ATG4C: variants seen among roughly 807,000 people sequenced by gnomAD.
The protein encoded by ATG4C is autophagy related 4C cysteine peptidase, also known as cysteine protease ATG4C.
Under a neutral mutation model 57.6 loss-of-function variants are expected in ATG4C, and 56 were observed. The ratio of observed to expected loss-of-function variants is 0.97; its 90% confidence interval spans 0.78 to 1.21. ATG4C has a LOEUF of 1.21. ATG4C is among the 50% of genes most tolerant of loss of function. ATG4C has a pLI of 0.00. For missense variants in ATG4C, 595 were observed against 529.8 expected, an observed-to-expected ratio of 1.12 and a Z score of -1.21; for synonymous variants, 157 against 174.1, an observed-to-expected ratio of 0.90 and a Z score of 0.78.
At chr1:62,857,899 G>A (rs1666734940) in intron 10 of ATG4C, among the ~76,000 whole-genome samples, 1 of 152,172 alleles carries the variant, frequency 6.6e-6, no homozygotes, top group Admixed American at 6.5e-5. Flanking sequence ...ATAGTTTGGT[G>A]TAAGTGAAAT....
intron 1 of ATG4C, among the ~76,000 whole-genome samples, chr1:62,801,038 A>C (rs11208033): frequency 6.6e-6 from 1 of 152,116 alleles, no homozygotes; most frequent in African/African-American, 2.4e-5. Flanking sequence ...ATGCAAAGGC[A>C]TGAGGTACCA....
At chr1:62,792,652 G>C (rs1466644729) in intron 1 of ATG4C, among the ~76,000 whole-genome samples, 1 of 152,182 alleles carries the variant, frequency 6.6e-6, no homozygotes, top group African/African-American at 2.4e-5. Context: ...AAAATACACA[G>C]TTTAAAACAT....
intron 3 of ATG4C, among the ~76,000 whole-genome samples, chr1:62,806,726 T>C (rs1401638046): frequency 6.6e-6 from 1 of 152,122 alleles, no homozygotes; most frequent in East Asian, 1.9e-4. Context: ...GAGGTTTCCT[T>C]GTTATTGTCC....
At chr1:62,793,597 G>GA (rs746057232) in intron 1 of ATG4C, among the ~76,000 whole-genome samples, 1,008 of 19,572 alleles carry the variant, frequency 0.052, 2 homozygotes, top group Non-Finnish European at 0.066. Flanking sequence ...ACCTTGTCTC[G>GA]AAAAAAAAAA....
At chr1:62,799,640 G>T (rs1664588834) in intron 1 of ATG4C, among the ~76,000 whole-genome samples, 2 of 151,874 alleles carry the variant, frequency 1.3e-5, no homozygotes, top group South Asian at 4.2e-4. Flanking sequence ...ATTTTTGTGG[G>T]TACATAGTAG....
At chr1:62,846,458 AG>A (rs990183964) in intron 10 of ATG4C, among the ~76,000 whole-genome samples, 3 of 152,218 alleles carry the variant, frequency 2.0e-5, no homozygotes, top group Non-Finnish European at 4.4e-5. Flanking sequence ...TATCAGTTAT[AG>A]TCCAAGATCG....
At chr1:62,805,349 G>C in intron 3 of ATG4C, 94 bp downstream of exon 3, 1 of 1,339,744 alleles carries the variant, frequency 7.5e-7, no homozygotes, top group Non-Finnish European at 9.6e-7. Flanking sequence ...TACTTTTGCA[G>C]TATTTCTTTT....
At chr1:62,826,375 A>G (rs1303535096) in intron 6 of ATG4C, among the ~76,000 whole-genome samples, 3 of 151,098 alleles carry the variant, frequency 2.0e-5, no homozygotes, top group South Asian at 4.2e-4. Flanking sequence ...AGCTGGAACT[A>G]TAGGCGCCCG....
In ATG4C at chr1:62,816,758, C is replaced by T; in HGVS notation, c.344C>T (p.Thr115Ile). The T allele has an allele frequency of 6.2e-7, 1 of 1,612,574 alleles. No individual in the cohort carries two copies. The highest frequency in any genetic ancestry group is 1.1e-5 in the South Asian group (1 of 90,836). ...TDCGWGCTLR[T>I]GQMLLAQGLI... ...TGTGGGTGGGGCTGCACATTGAGAA[C>T]TGGCCAGATGCTCTTGGCTCAAGGA... The change falls in exon 4 of 11, where the codon ACT (threonine) becomes ATT (isoleucine). Residue 115 changes from threonine to isoleucine, a missense_variant. Thr to Ile is a moderately conservative substitution (Grantham distance 89). Coordinates refer to ENST00000317868, the MANE Select transcript of ATG4C (RefSeq NM_032852.4).
Position 62,813,754 on chromosome 1 carries a change from A to C in ATG4C, c.161-2821A>C, listed in dbSNP as rs992424618. On this transcript the variant is annotated intron_variant, in intron 3 of 10. Coordinates refer to ENST00000317868, the MANE Select transcript of ATG4C (RefSeq NM_032852.4). ...CAAGGAACTTAAACAAATTTACAAG[A>C]AAAAAACAATCCCATCAAAAAGTGG... Among the ~76,000 whole-genome samples, 3 of 152,230 alleles carry C rather than the reference A, an allele frequency of 2.0e-5. 1 individual carries two copies. Among genetic ancestry groups the C allele is most frequent in the Admixed American group, 2.0e-4 (3 of 15,288 alleles).
At chr1:62,824,973 C>T (rs1053474639) in intron 6 of ATG4C, among the ~76,000 whole-genome samples, 1 of 152,076 alleles carries the variant, frequency 6.6e-6, no homozygotes, top group African/African-American at 2.4e-5. Flanking sequence ...CATGGTGGCT[C>T]ATGGCTGTAA....
intron 7 of ATG4C, 48 bp downstream of exon 7, chr1:62,829,224 A>C (rs1420318999): frequency 1.9e-6 from 3 of 1,594,512 alleles, no homozygotes; most frequent in Non-Finnish European, 2.6e-6. Flanking sequence ...AGCTAATATG[A>C]AAAATATAGA....
chr1:62,804,089 CTTT>C (rs71692941), intron 2 of ATG4C, among the ~76,000 whole-genome samples: 5 of 140,538 alleles, frequency 3.6e-5, no homozygotes, highest in Admixed American at 7.1e-5. Context: ...CTCCTTTTTT[CTTT>C]TTTTTTTTTT....
chr1:62,859,578 TGA>T (rs1666787926), intron 10 of ATG4C, among the ~76,000 whole-genome samples: 2 of 152,216 alleles, frequency 1.3e-5, no homozygotes, highest in Non-Finnish European at 2.9e-5. Context: ...TGAGTGAATG[TGA>T]AGGCCTAGGA....
At chr1:62,793,450 A>T (rs1352668160) in intron 1 of ATG4C, among the ~76,000 whole-genome samples, 1 of 151,574 alleles carries the variant, frequency 6.6e-6, no homozygotes, top group African/African-American at 2.4e-5. Context: ...CATCTCTACA[A>T]AGAATAGAAA....
At chr1:62,851,137 G>C (rs1666510022) in intron 10 of ATG4C, among the ~76,000 whole-genome samples, 1 of 151,812 alleles carries the variant, frequency 6.6e-6, no homozygotes, top group Non-Finnish European at 1.5e-5. Context: ...CAGTGATTGA[G>C]TTATAGAAAA....
chr1:62,805,558 CTTAG>C lies in ATG4C; in HGVS notation c.160+307_160+310del, dbSNP rs926990359. 1.4e-4 allele frequency among the ~76,000 whole-genome samples: 22 copies of C among 152,086 alleles called. No individual in the cohort carries two copies. In the East Asian group the frequency reaches 1.9e-3, roughly 13 times the overall value. On this transcript the variant is annotated intron_variant, in intron 3 of 10. Transcript: ENST00000317868. ...ATTCTCTGATAATTAAAAGTATCAC[CTTAG>C]TTAATCTAAAAATGATAATTTTTTT... is the stretch of plus-strand genomic sequence containing the variant.
intron 10 of ATG4C, among the ~76,000 whole-genome samples, chr1:62,856,027 C>CTAT (rs1666671384): frequency 6.6e-6 from 1 of 152,224 alleles, no homozygotes; most frequent in South Asian, 2.1e-4. Flanking sequence ...TGTATGTAGT[C>CTAT]TTATAGAGTA....
At chr1:62,859,376 T>TA (rs1157269617) in intron 10 of ATG4C, among the ~76,000 whole-genome samples, 1 of 152,234 alleles carries the variant, frequency 6.6e-6, no homozygotes, top group Admixed American at 6.5e-5. Flanking sequence ...TACAGCATGT[T>TA]ACTGTACTGA....
Sources: gnomAD v4.1 joint callset for allele counts (sites outside exome capture counted in the v4.1 genomes callset) on GRCh38, gnomAD v4.1.1 for gene constraint, MANE v1.5 for transcripts, NCBI Gene and HGNC (gene_info 2026-07-23, HGNC 2026-07-21) for gene names.